SHOC1: variants seen among roughly 807,000 people sequenced by gnomAD.
SHOC1 encodes protein shortage in chiasmata 1 ortholog.
In SHOC1, 136 loss-of-function variants were observed where a neutral mutation model predicts 179.2. The ratio of observed to expected loss-of-function variants is 0.76; its 90% CI spans 0.66 to 0.87. The LOEUF (loss-of-function observed/expected upper bound fraction) is 0.87. Among genes scored for constraint, SHOC1 ranks in the 40% least tolerant of loss-of-function variants. The pLI, the probability that SHOC1 is intolerant of heterozygous loss-of-function variation, is 0.00. For missense variants in SHOC1, 1,538 were observed against 1,700.8 expected (o/e 0.90, Z 1.68); for synonymous variants, 489 against 586.6 (o/e 0.83, Z 2.41).
At chr9:111,712,386 G>T (rs1832590399) in intron 18 of SHOC1, among the ~76,000 whole-genome samples, 1 of 152,182 alleles carries the variant, frequency 6.6e-6, no homozygotes, top group Non-Finnish European at 1.5e-5. Context: ...AGCCTCAAAG[G>T]AGGAGGAATA....
intron 2 of SHOC1, among the ~76,000 whole-genome samples, chr9:111,789,856 C>T (rs927491746): frequency 6.6e-6 from 1 of 152,182 alleles, no homozygotes; most frequent in Non-Finnish European, 1.5e-5. Context: ...TATCTTTTAA[C>T]TACACATTTG....
In SHOC1 at chr9:111,758,203, A is replaced by C. The variant is rs1249733076; in HGVS notation, c.597-8T>G. On this transcript the variant is annotated splice_region_variant and splice_polypyrimidine_tract_variant and intron_variant, in intron 6 of 27. Coordinates refer to ENST00000682961, the MANE Select transcript of SHOC1 (RefSeq NM_001378211.1). ...TGAAGAGAGAAACATTCCCTTAAAA[A>C]AAAATACATTAATTAGTGTTTACTA... 12 of 1,461,280 alleles carry C rather than the reference A, an allele frequency of 8.2e-6. No individual in the cohort carries two copies. Among genetic ancestry groups the C allele is most frequent in the Non-Finnish European group, 1.0e-5 (11 of 1,065,068 alleles). The allele number at this position is 1,461,280 out of a possible 1,614,324, so 90.5% of individuals were successfully genotyped here. A position where few individuals can be genotyped will look rare whatever the true frequency, so the allele number is the denominator to read the frequency against.
Position 111,686,842 on chromosome 9 carries a change from G to T in SHOC1, c.4455C>A (p.Phe1485Leu). 6.2e-7 allele frequency: 1 copy of T among 1,611,080 alleles called. No individual in the cohort carries two copies. Among genetic ancestry groups the T allele is most frequent in the South Asian group, 1.1e-5 (1 of 91,018 alleles). The change falls in exon 28 of 28, where the codon TTC becomes TTA. Residue 1485 changes from phenylalanine to leucine, a missense_variant. Transcript: ENST00000682961. ...TTTCATATGCTAGACGTCGTTTTTT[G>T]AATTGTGGTAGTTGTGAGCACATAA... ...TGFMCSQLPQ[F>L]KKRRLAYEKV...
intron 5 of SHOC1, among the ~76,000 whole-genome samples, chr9:111,767,436 A>G (rs1166225625): frequency 6.6e-6 from 1 of 152,138 alleles, no homozygotes; most frequent in Non-Finnish European, 1.5e-5. Flanking sequence ...AGCACCATTT[A>G]TTGAAGACTA....
chr9:111,769,722 A>C (rs1235971172), intron 5 of SHOC1, among the ~76,000 whole-genome samples: 1 of 152,114 alleles, frequency 6.6e-6, no homozygotes, highest in African/African-American at 2.4e-5. Context: ...CACCCACCTC[A>C]GCCTCTCAGA....
intron 5 of SHOC1, among the ~76,000 whole-genome samples, chr9:111,762,035 A>G (rs1324239193): frequency 6.6e-6 from 1 of 152,216 alleles, no homozygotes; most frequent in Non-Finnish European, 1.5e-5. Context: ...AATTGGAAAT[A>G]AGAATACATA....
intron 5 of SHOC1, among the ~76,000 whole-genome samples, chr9:111,760,501 A>G (rs1228700086): frequency 6.6e-6 from 1 of 152,178 alleles, no homozygotes; most frequent in South Asian, 2.1e-4. Context: ...GTCTACTAAT[A>G]TGAAAGAAGA....
chr9:111,775,276 T>C (rs564460839), intron 5 of SHOC1, among the ~76,000 whole-genome samples: 4 of 152,230 alleles, frequency 2.6e-5, no homozygotes, highest in Admixed American at 6.5e-5. Context: ...ATTACAGGCA[T>C]AGTAAGCCAC....
At chr9:111,700,186 G>GT (rs1024396692) in intron 23 of SHOC1, 139 bp from the exon 24 acceptor site, 593 of 446,476 alleles carry the variant, frequency 1.3e-3, no homozygotes, top group Middle Eastern at 2.4e-3. Context: ...AATTTGTGGG[G>GT]TTTTTTTTTC....
At chr9:111,741,395 A>G in intron 11 of SHOC1, 81 bp downstream of exon 11, 3 of 781,874 alleles carry the variant, frequency 3.8e-6, no homozygotes, top group East Asian at 2.6e-5. Flanking sequence ...TGGTCAAAGA[A>G]AAAGGATATC....
intron 8 of SHOC1, 29 bp from the exon 9 acceptor site, chr9:111,748,228 A>G: frequency 6.9e-7 from 1 of 1,443,832 alleles, no homozygotes; most frequent in East Asian, 2.3e-5. Context: ...TGTTATTAGC[A>G]AATGTACCAT....
intron 12 of SHOC1, among the ~76,000 whole-genome samples, chr9:111,736,219 A>G (rs1232404671): frequency 6.6e-6 from 1 of 152,216 alleles, no homozygotes; most frequent in Non-Finnish European, 1.5e-5. Flanking sequence ...AAACTATTCC[A>G]AAGTTCATAT....
intron 12 of SHOC1, among the ~76,000 whole-genome samples, chr9:111,731,487 G>A (rs925971364): frequency 7.9e-5 from 12 of 152,280 alleles, no homozygotes; most frequent in African/African-American, 2.2e-4. Flanking sequence ...GTGGGCCAAG[G>A]AAAGGGAGAG....
At chr9:111,715,342 G>A (rs1400745090) in intron 16 of SHOC1, among the ~76,000 whole-genome samples, 1 of 152,134 alleles carries the variant, frequency 6.6e-6, no homozygotes, top group Non-Finnish European at 1.5e-5. Flanking sequence ...GGTAACAAAT[G>A]AAATAAATTT....
chr9:111,694,232 T>C lies in SHOC1; in HGVS notation c.3314A>G (p.Glu1105Gly). The C allele has an allele frequency of 1.2e-6, 2 of 1,604,742 alleles. No homozygotes were observed. Among genetic ancestry groups the C allele is most frequent in the Non-Finnish European group, 1.7e-6 (2 of 1,174,832 alleles). The change falls in exon 25 of 28, where the codon GAG (glutamate) becomes GGG (glycine). Residue 1105 changes from glutamate (E) to glycine (G), a missense_variant and splice_region_variant. Glu to Gly is a moderately conservative substitution (Grantham distance 98, BLOSUM62 -2). Coordinates refer to ENST00000682961, the MANE Select transcript of SHOC1 (RefSeq NM_001378211.1). The part of the protein sequence containing the change: ...DKSWLKVSPS[E>G]EEMYLLDFPC... ...ATTTTACACATTTAGAAAATATACC[T>C]CAGATGGTGAAACTTTAAGCCAGGA...
At chr9:111,713,744 A>G (rs1832655340) in intron 17 of SHOC1, among the ~76,000 whole-genome samples, 1 of 152,198 alleles carries the variant, frequency 6.6e-6, no homozygotes, top group African/African-American at 2.4e-5. Flanking sequence ...TTTCTGCTTG[A>G]TAAGATTTTA....
chr9:111,705,375 G>C lies in SHOC1; in HGVS notation c.2738-11C>G, dbSNP rs1832214349. 7.4e-7 allele frequency: 1 copy of C among 1,343,526 alleles called. No homozygotes were observed. The highest frequency in any genetic ancestry group is 1.0e-6 in the Non-Finnish European group (1 of 996,476). The allele number at this position is 1,343,526 out of a possible 1,614,324, so 83.2% of individuals were successfully genotyped here. A position where few individuals can be genotyped will look rare whatever the true frequency, so the allele number is the denominator to read the frequency against. Reference sequence around the variant, plus strand: ...CCAGCAAGGTGCTTCCTAAATAAGAGAAAATTTATAAATATTTCTCTTTTA... The same window carrying C: ...CCAGCAAGGTGCTTCCTAAATAAGACAAAATTTATAAATATTTCTCTTTTA... On this transcript the variant is annotated splice_polypyrimidine_tract_variant and intron_variant, in intron 20 of 27. Coordinates refer to ENST00000682961, the MANE Select transcript of SHOC1 (RefSeq NM_001378211.1).
intron 5 of SHOC1, chr9:111,759,370 A>T: frequency 6.8e-7 from 1 of 1,479,990 alleles, no homozygotes; most frequent in Non-Finnish European, 9.0e-7. Context: ...TTGCTATAAA[A>T]TTATTTACAG....
intron 13 of SHOC1, 108 bp from the exon 14 acceptor site, chr9:111,724,019 A>T: frequency 7.8e-6 from 6 of 769,590 alleles, no homozygotes; most frequent in Non-Finnish European, 1.0e-5. Flanking sequence ...AAATTTCTTC[A>T]TTGAAACACA....
Sources: allele counts gnomAD v4.1 joint callset (sites outside exome capture counted in the v4.1 genomes callset), GRCh38; gene constraint gnomAD v4.1.1; transcripts MANE v1.5; gene names NCBI Gene and HGNC (gene_info 2026-07-23, HGNC 2026-07-21).